Variants in ULK4 observed in about 807,000 individuals in gnomAD.
The protein encoded by ULK4 is inactive serine/threonine-protein kinase ULK4.
In ULK4, 133 loss-of-function variants were observed where a neutral mutation model predicts 160.6. The observed-to-expected ratio is 0.83, with a 90% CI of 0.72 to 0.96. The LOEUF (loss-of-function observed/expected upper bound fraction) is 0.96. ULK4 is among the 40% of genes least tolerant of loss of function. ULK4 has a pLI of 0.00. For missense variants in ULK4, 1,580 were observed against 1,499.5 expected, an observed-to-expected ratio of 1.05 and a Z score of -0.89; for synonymous variants, 534 against 539.8, an observed-to-expected ratio of 0.99 and a Z score of 0.15.
chr3:41,681,250 T>C (rs1393947843), intron 29 of ULK4, among the ~76,000 whole-genome samples: 1 of 152,194 alleles, frequency 6.6e-6, no homozygotes, highest in African/African-American at 2.4e-5. Context: ...TAAATCTGCA[T>C]AACTTCAAAA....
chr3:41,859,648 TTC>T (rs2042450829), intron 17 of ULK4: 1 of 437,206 alleles, frequency 2.3e-6, no homozygotes, highest in Non-Finnish European at 4.4e-6. Flanking sequence ...CCCAAATTCC[TTC>T]TTTTTTGTTT....
intron 35 of ULK4, among the ~76,000 whole-genome samples, chr3:41,341,209 G>A (rs1442820753): frequency 6.6e-6 from 1 of 152,150 alleles, no homozygotes; most frequent in Non-Finnish European, 1.5e-5. Context: ...AAGATGTTAA[G>A]ACTTTTGCAG....
At chr3:41,927,378 A>T (rs755624803) in intron 5 of ULK4, among the ~76,000 whole-genome samples, 3 of 152,220 alleles carry the variant, frequency 2.0e-5, no homozygotes, top group Non-Finnish European at 4.4e-5. Flanking sequence ...AACCGGTACC[A>T]GCCACTGCAA....
At chr3:41,386,075 T>C (rs922703923) in intron 35 of ULK4, among the ~76,000 whole-genome samples, 2 of 152,156 alleles carry the variant, frequency 1.3e-5, no homozygotes, top group Non-Finnish European at 2.9e-5. Context: ...GCAGAGGGCT[T>C]GCCTGTCTTG....
chr3:41,763,600 T>C (rs760942000), intron 21 of ULK4, among the ~76,000 whole-genome samples: 7 of 152,220 alleles, frequency 4.6e-5, no homozygotes, highest in Non-Finnish European at 1.0e-4. Flanking sequence ...ACATATCCAT[T>C]CTACTCCTGG....
chr3:41,927,356 A>G (rs1575964389), intron 5 of ULK4, among the ~76,000 whole-genome samples: 1 of 152,306 alleles, frequency 6.6e-6, no homozygotes, highest in Admixed American at 6.5e-5. Flanking sequence ...AGCACTAAAC[A>G]TGGAAAGGAA....
chr3:41,371,539 C>T (rs927636153), intron 35 of ULK4, among the ~76,000 whole-genome samples: 6 of 152,150 alleles, frequency 3.9e-5, no homozygotes, highest in African/African-American at 4.8e-5. Context: ...CTCCTGCTGA[C>T]GAGCAGAAGA....
intron 35 of ULK4, among the ~76,000 whole-genome samples, chr3:41,331,196 TG>T (rs1424076740): frequency 1.3e-5 from 2 of 152,076 alleles, no homozygotes; most frequent in Non-Finnish European, 2.9e-5. Context: ...TAGTCTGACT[TG>T]TACCAAGCAG....
chr3:41,665,496 A>T (rs1023271646), intron 29 of ULK4, among the ~76,000 whole-genome samples: 2 of 152,216 alleles, frequency 1.3e-5, no homozygotes, highest in Non-Finnish European at 2.9e-5. Flanking sequence ...AGACAATGTT[A>T]AGTGGAATAC....
intron 35 of ULK4, among the ~76,000 whole-genome samples, chr3:41,264,150 T>C (rs970758142): frequency 2.0e-5 from 3 of 152,070 alleles, no homozygotes; most frequent in African/African-American, 7.2e-5. Context: ...AAAGGGGTGA[T>C]AGCAGCAACC....
At chr3:41,730,215 A>G (rs968078107) in intron 22 of ULK4, among the ~76,000 whole-genome samples, 4 of 152,300 alleles carry the variant, frequency 2.6e-5, no homozygotes, top group Admixed American at 2.0e-4. Context: ...CAAAGAACCA[A>G]ACATTATACT....
chr3:41,302,849 T>C (rs142698846), intron 35 of ULK4, among the ~76,000 whole-genome samples: 8 of 152,344 alleles, frequency 5.3e-5, no homozygotes, highest in African/African-American at 1.9e-4. Context: ...TGGCTCTATA[T>C]ATGTCAAATT....
intron 32 of ULK4, 34 bp from the exon 33 acceptor site, chr3:41,463,287 T>G: frequency 6.3e-7 from 1 of 1,598,736 alleles, no homozygotes; most frequent in Non-Finnish European, 8.5e-7. Flanking sequence ...AAAAACCTCA[T>G]CATTAAGTAC....
chr3:41,783,340 C>T (rs1351550921), intron 21 of ULK4, among the ~76,000 whole-genome samples: 1 of 151,994 alleles, frequency 6.6e-6, no homozygotes, highest in African/African-American at 2.4e-5. Context: ...AGTTCGAGAC[C>T]AGTCTGGTCA....
intron 21 of ULK4, among the ~76,000 whole-genome samples, chr3:41,758,525 T>C (rs570715693): frequency 3.4e-4 from 51 of 152,206 alleles, no homozygotes; most frequent in Middle Eastern, 3.4e-3. Flanking sequence ...CAGAATATAT[T>C]AAAAGAATAA....
intron 35 of ULK4, among the ~76,000 whole-genome samples, chr3:41,252,417 A>C (rs534512047): frequency 6.6e-6 from 1 of 152,278 alleles, no homozygotes; most frequent in African/African-American, 2.4e-5. Flanking sequence ...AGAATATATC[A>C]GTAAAAAAGG....
intron 17 of ULK4, among the ~76,000 whole-genome samples, chr3:41,842,190 T>G (rs58940436): frequency 1.1e-4 from 8 of 71,942 alleles, no homozygotes; most frequent in South Asian, 8.3e-4. Flanking sequence ...AAAAAAAAAA[T>G]AAAAAAAAAG....
chr3:41,827,518 C>T (rs1444146370), intron 18 of ULK4, among the ~76,000 whole-genome samples: 1 of 152,066 alleles, frequency 6.6e-6, no homozygotes, highest in African/African-American at 2.4e-5. Flanking sequence ...ATACTACAAA[C>T]ACCTCTATGC....
At chr3:41,283,421 G>A (rs1455319880) in intron 35 of ULK4, among the ~76,000 whole-genome samples, 2 of 152,174 alleles carry the variant, frequency 1.3e-5, no homozygotes, top group Non-Finnish European at 2.9e-5. Flanking sequence ...TGATAGACTG[G>A]ATTAAGAAAA....
Sources: gnomAD v4.1 joint callset for allele counts (sites outside exome capture counted in the v4.1 genomes callset) on GRCh38, gnomAD v4.1.1 for gene constraint, MANE v1.5 for transcripts, NCBI Gene and HGNC (gene_info 2026-07-23, HGNC 2026-07-21) for gene names.